The following MINDY4 variants were observed in gnomAD, a reference collection of about 807,000 sequenced individuals.
The protein encoded by MINDY4 is probable ubiquitin carboxyl-terminal hydrolase MINDY-4.
MINDY4 carries 68 observed loss-of-function variants against 87.0 expected under a neutral mutation model. The observed-to-expected ratio is 0.78, with a 90% CI of 0.64 to 0.96. The LOEUF (loss-of-function observed/expected upper bound fraction) is 0.96, where lower values mean the gene tolerates loss of function less well. Ranked by LOEUF, MINDY4 falls within the 40% of genes least tolerant of loss-of-function variation. The probability of loss-of-function intolerance (pLI) is 0.00; values close to 1 mark genes in which losing one functional copy is unlikely to be tolerated. For missense variants in MINDY4, 919 were observed against 928.2 expected (o/e 0.99, Z 0.13); for synonymous variants, 379 against 363.2 (o/e 1.04, Z -0.50).
intron 12 of MINDY4, chr7:30,858,642 A>G (rs1789651608): frequency 1.5e-5 from 2 of 134,042 alleles, no homozygotes; most frequent in African/African-American, 7.2e-5. Context: ...CAAAATGTTG[A>G]TGTTTTAAAA....
At chr7:30,834,984 TC>T (rs2128565130) in intron 6 of MINDY4, among the ~76,000 whole-genome samples, 1 of 152,352 alleles carries the variant, frequency 6.6e-6, no homozygotes, top group East Asian at 1.9e-4. Context: ...TTTCAAACTT[TC>T]CCACATTTTC....
intron 8 of MINDY4, among the ~76,000 whole-genome samples, chr7:30,839,815 TG>T (rs1399415678): frequency 2.0e-5 from 3 of 151,996 alleles, no homozygotes; most frequent in Non-Finnish European, 4.4e-5. Context: ...AAGAGAAGGA[TG>T]TAATAGAAGC....
rs549041012 is a variant in MINDY4, at chr7:30,785,413, G to A, written c.420-336G>A. On this transcript the variant is annotated intron_variant, in intron 3 of 17. Transcript: ENST00000265299. ...GCGGCAAGGCTGGGCTTCGCATACC[G>A]CATGACTGTACTGAAAGGTTATAGT... 6.6e-5 allele frequency among the ~76,000 whole-genome samples: 10 copies of A among 152,200 alleles called. No homozygotes were observed. In the South Asian group the frequency reaches 8.3e-4, roughly 13 times the overall value.
At chr7:30,828,050 T>G (rs1042878618) in intron 5 of MINDY4, among the ~76,000 whole-genome samples, 9 of 152,174 alleles carry the variant, frequency 5.9e-5, no homozygotes, top group African/African-American at 2.2e-4. Flanking sequence ...TAGAAAATGC[T>G]CCCTCAAAGG....
At chr7:30,773,972 GT>G (rs1786724598) in intron 1 of MINDY4, among the ~76,000 whole-genome samples, 1 of 152,120 alleles carries the variant, frequency 6.6e-6, no homozygotes, top group South Asian at 2.1e-4. Flanking sequence ...TCTTCTGACA[GT>G]AAAATTCCAC....
At chr7:30,841,223 G>A (rs57771399) in intron 9 of MINDY4, among the ~76,000 whole-genome samples, 12,978 of 152,120 alleles carry the variant, frequency 0.085, 1,209 homozygotes, top group African/African-American at 0.23. Context: ...TCTCCCCTCT[G>A]CCAACATTCA....
intron 1 of MINDY4, among the ~76,000 whole-genome samples, chr7:30,773,734 T>G (rs1460084560): frequency 6.6e-6 from 1 of 152,128 alleles, no homozygotes; most frequent in Admixed American, 6.5e-5. Context: ...GCCCTTTCTG[T>G]AATCTCAATT....
At chr7:30,845,534 AAAG>A (rs1346448236) in intron 9 of MINDY4, among the ~76,000 whole-genome samples, 75 of 151,446 alleles carry the variant, frequency 5.0e-4, no homozygotes, top group African/African-American at 1.7e-3. Flanking sequence ...AAAAAAAAAA[AAAG>A]GGCAAGCTCT....
intron 12 of MINDY4, among the ~76,000 whole-genome samples, chr7:30,855,131 G>C (rs1157146395): frequency 1.3e-5 from 2 of 152,252 alleles, no homozygotes; most frequent in Non-Finnish European, 2.9e-5. Context: ...GCAGGGGCCT[G>C]GGGGCCCCCT....
At position 30,771,459 on chromosome 7, in the gene MINDY4, G is replaced by A; in HGVS notation, c.-35G>A. The A allele has an allele frequency of 6.3e-7, 1 of 1,589,848 alleles. No homozygotes were observed. The highest frequency in any genetic ancestry group is 8.5e-7 in the Non-Finnish European group (1 of 1,169,760). ...CCCAGTTGCCTGGTGCTGCGGCCCG[G>A]CGTGGGCCTCGTGGGCAGAGCCAGA... On this transcript the variant is annotated 5_prime_UTR_variant, in exon 1 of 18. Coordinates refer to ENST00000265299, the MANE Select transcript of MINDY4 (RefSeq NM_032222.3).
chr7:30,874,925 G>C (rs889667291), intron 14 of MINDY4, among the ~76,000 whole-genome samples: 2 of 152,180 alleles, frequency 1.3e-5, no homozygotes, highest in African/African-American at 2.4e-5. Context: ...GGAACTCTCT[G>C]TACTATTTTT....
At chr7:30,835,381 T>G (rs1245011313) in intron 6 of MINDY4, among the ~76,000 whole-genome samples, 1 of 152,212 alleles carries the variant, frequency 6.6e-6, no homozygotes, top group African/African-American at 2.4e-5. Context: ...ACTCCCATGA[T>G]TCGGTTATCT....
chr7:30,787,282 T>C (rs542969454), intron 4 of MINDY4, among the ~76,000 whole-genome samples: 1 of 152,332 alleles, frequency 6.6e-6, no homozygotes, highest in South Asian at 2.1e-4. Flanking sequence ...CATCTTGATG[T>C]CATACCCCAT....
intron 9 of MINDY4, among the ~76,000 whole-genome samples, chr7:30,849,269 T>C (rs1789322545): frequency 6.6e-6 from 1 of 152,196 alleles, no homozygotes; most frequent in Non-Finnish European, 1.5e-5. Flanking sequence ...ATTTGGTGAC[T>C]GAAGGCAGAG....
intron 12 of MINDY4, chr7:30,858,921 G>C (rs1333667739): frequency 3.1e-5 from 17 of 541,210 alleles, no homozygotes; most frequent in Non-Finnish European, 5.4e-5. Context: ...AGGACTGTTA[G>C]AGTGTTCGGG....
At chr7:30,853,100 G>T (rs1789462125) in intron 11 of MINDY4, among the ~76,000 whole-genome samples, 1 of 152,186 alleles carries the variant, frequency 6.6e-6, no homozygotes, top group Non-Finnish European at 1.5e-5. Flanking sequence ...TCGCCCATGG[G>T]GTGCAGCCCT....
At chr7:30,835,073 A>G (rs55958921) in intron 6 of MINDY4, among the ~76,000 whole-genome samples, 2,565 of 152,284 alleles carry the variant, frequency 0.017, 76 homozygotes, top group African/African-American at 0.058. Flanking sequence ...ACATTTTCGG[A>G]TATCTTTTCA....
intron 1 of MINDY4, among the ~76,000 whole-genome samples, chr7:30,773,609 C>T (rs114548263): frequency 2.0e-5 from 3 of 152,142 alleles, no homozygotes; most frequent in African/African-American, 7.2e-5. Context: ...TGAGGTGACT[C>T]TTCTGCTGCC....
At chr7:30,793,589 T>C (rs1212175382) in intron 5 of MINDY4, among the ~76,000 whole-genome samples, 1 of 152,060 alleles carries the variant, frequency 6.6e-6, no homozygotes, top group Non-Finnish European at 1.5e-5. Context: ...CTGGCTAATA[T>C]TTTGTATTTT....
Sources: allele counts gnomAD v4.1 joint callset (sites outside exome capture counted in the v4.1 genomes callset), GRCh38; gene constraint gnomAD v4.1.1; transcripts MANE v1.5; gene names NCBI Gene and HGNC (gene_info 2026-07-23, HGNC 2026-07-21).